Variants in LAMC1 observed in about 807,000 individuals in gnomAD.
LAMC1 encodes the protein laminin subunit gamma 1.
A neutral mutation model predicts 173.6 loss-of-function variants in LAMC1; 38 were observed. The ratio of observed to expected loss-of-function variants is 0.22; its 90% CI spans 0.17 to 0.29. The LOEUF (loss-of-function observed/expected upper bound fraction) is 0.29, where lower values mean the gene tolerates loss of function less well. Ranked by LOEUF, LAMC1 falls within the 10% of genes least tolerant of loss-of-function variation. The pLI is 1.00. For synonymous variants in LAMC1, 746 were observed against 749.1 expected, an observed-to-expected ratio of 1.00 and a Z score of 0.07; for missense variants, 1,824 against 2,051.8, an observed-to-expected ratio of 0.89 and a Z score of 2.14.
chr1:183,104,119 A>C (rs1655905845), intron 2 of LAMC1, among the ~76,000 whole-genome samples: 1 of 152,198 alleles, frequency 6.6e-6, no homozygotes, highest in Admixed American at 6.5e-5. Context: ...TACACAAGAA[A>C]ATTTTGATTA....
chr1:183,070,188 A>G (rs568755850), intron 1 of LAMC1, among the ~76,000 whole-genome samples: 4 of 152,292 alleles, frequency 2.6e-5, no homozygotes, highest in South Asian at 2.1e-4. Context: ...ATAAAGTTCA[A>G]TCTGTGATTC....
intron 1 of LAMC1, among the ~76,000 whole-genome samples, chr1:183,037,499 C>T (rs1212953590): frequency 6.6e-6 from 1 of 152,174 alleles, no homozygotes; most frequent in African/African-American, 2.4e-5. Context: ...TAGGTCTAAC[C>T]CACCTTTTGT....
In LAMC1 at chr1:183,135,205, ATT is replaced by A. The variant is rs35182436; in HGVS notation, c.4114+59_4114+60del. On this transcript the variant is annotated intron_variant, in intron 24 of 27. Coordinates refer to ENST00000258341, the MANE Select transcript of LAMC1 (RefSeq NM_002293.4). ...GGCAAATGCTTCCGCCACTAGAGTG[ATT>A]TTTTTTTTTAATCATGACTTTTACC... is the stretch of plus-strand genomic sequence containing the variant. The A allele has an allele frequency of 2.2e-3, 1,979 of 886,336 alleles. 1 individual carries two copies. The highest frequency in any genetic ancestry group is 5.3e-3 in the African/African-American group (312 of 59,086). 54.9% of individuals were successfully genotyped at this position (886,336 alleles called of 1,614,324 possible). A position where few individuals can be genotyped will look rare whatever the true frequency, so the allele number is the denominator to read the frequency against.
In LAMC1 at chr1:183,137,789, C is replaced by G. The variant is rs1558061736; in HGVS notation, c.4435C>G (p.Gln1479Glu). The change falls in exon 26 of 28, where the codon CAA becomes GAA. Residue 1479 changes from glutamine (Q) to glutamate (E), a missense_variant. By Grantham distance (29) the Gln-to-Glu change is conservative (BLOSUM62 2). Transcript: ENST00000258341. ...AGCAGAAAAAGAGCTAAAGAGAAAACAAGATGACGCTGACCAGGACATGAT... is the reference window on the plus strand; with the variant it reads ...AGCAGAAAAAGAGCTAAAGAGAAAAGAAGATGACGCTGACCAGGACATGAT... ...QEAEKELKRK[Q>E]DDADQDMMMA... 1.2e-6 allele frequency: 2 copies of G among 1,610,942 alleles called. No homozygotes were observed. Among genetic ancestry groups the G allele is most frequent in the African/African-American group, 2.7e-5 (2 of 74,804 alleles).
chr1:183,142,737 A>C lies in LAMC1; in HGVS notation c.4777A>C (p.Arg1593=), dbSNP rs1266739313. The change falls in exon 28 of 28, where the codon AGG becomes CGG. Residue 1593 remains arginine, a synonymous_variant. Transcript: ENST00000258341. The stretch of plus-strand genomic sequence containing the variant: ...GGACATTCGCAATCTGGAGGACATC[A>C]GGAAGACCTTACCATCTGGCTGCTT... The part of the protein sequence containing the change: ...MKDIRNLEDI[R]KTLPSGCFNT... 19 of 1,613,902 alleles carry C rather than the reference A, an allele frequency of 1.2e-5. No individual in the cohort carries two copies. The highest frequency in any genetic ancestry group is 1.5e-5 in the Non-Finnish European group (18 of 1,179,922).
intron 1 of LAMC1, among the ~76,000 whole-genome samples, chr1:183,066,383 G>A (rs962984617): frequency 6.6e-6 from 1 of 152,188 alleles, no homozygotes; most frequent in Non-Finnish European, 1.5e-5. Flanking sequence ...CAACCATTGT[G>A]GAAGACAGTG....
chr1:183,136,813 A>G (rs376715476), intron 25 of LAMC1, among the ~76,000 whole-genome samples: 8 of 151,842 alleles, frequency 5.3e-5, no homozygotes, highest in African/African-American at 1.9e-4. Flanking sequence ...AATTTCTACT[A>G]TGTCTCAGTG....
intron 4 of LAMC1, among the ~76,000 whole-genome samples, chr1:183,113,638 A>G (rs1184976422): frequency 6.6e-6 from 1 of 152,186 alleles, no homozygotes; most frequent in Non-Finnish European, 1.5e-5. Flanking sequence ...TTCCCTGTAC[A>G]TGGATGTTTC....
chr1:183,112,529 C>T (rs1242861500), intron 4 of LAMC1, among the ~76,000 whole-genome samples: 1 of 152,080 alleles, frequency 6.6e-6, no homozygotes, highest in South Asian at 2.1e-4. Flanking sequence ...AGTGACATTT[C>T]TGGATGTTGT....
At chr1:183,032,087 AT>A (rs2102007755) in intron 1 of LAMC1, among the ~76,000 whole-genome samples, 2 of 152,298 alleles carry the variant, frequency 1.3e-5, no homozygotes, top group African/African-American at 4.8e-5. Flanking sequence ...CATTCCTGAG[AT>A]TTTAGAGTAC....
At chr1:183,052,063 TC>T (rs1654440290) in intron 1 of LAMC1, among the ~76,000 whole-genome samples, 1 of 152,124 alleles carries the variant, frequency 6.6e-6, no homozygotes, top group Non-Finnish European at 1.5e-5. Context: ...AAAAAATCAT[TC>T]CTTTTGTTAC....
intron 1 of LAMC1, among the ~76,000 whole-genome samples, chr1:183,067,634 G>A (rs1438635884): frequency 6.6e-6 from 1 of 151,524 alleles, no homozygotes; most frequent in Non-Finnish European, 1.5e-5. Context: ...GACTACAAGC[G>A]CACGCCACCA....
chr1:183,117,987 C>A, intron 10 of LAMC1, 47 bp from the exon 11 acceptor site: 1 of 1,113,832 alleles, frequency 9.0e-7, no homozygotes, highest in Non-Finnish European at 1.3e-6. Context: ...CCCCAACATC[C>A]AGAATTGTCC....
At chr1:183,077,776 G>GTATATATATATATATATATATATA (rs68083893) in intron 1 of LAMC1, among the ~76,000 whole-genome samples, 29 of 116,552 alleles carry the variant, frequency 2.5e-4, no homozygotes, top group African/African-American at 8.1e-4. Flanking sequence ...TGGCCATTGT[G>GTATATATATATATATATATATATA]TATATATATA....
chr1:183,136,277 TACCCTGAC>T, intron 24 of LAMC1, 101 bp from the exon 25 acceptor site: 1 of 893,300 alleles, frequency 1.1e-6, no homozygotes, highest in Non-Finnish European at 1.8e-6. Flanking sequence ...TTCCATTTTT[TACCCTGAC>T]TTCCATTGTT....
intron 1 of LAMC1, among the ~76,000 whole-genome samples, chr1:183,093,001 G>A (rs1386197025): frequency 2.0e-5 from 3 of 152,142 alleles, no homozygotes; most frequent in Non-Finnish European, 4.4e-5. Context: ...TTAGTGGGCT[G>A]GGTGCAGTGG....
At chr1:183,098,233 T>A (rs548848157) in intron 1 of LAMC1, among the ~76,000 whole-genome samples, 38 of 152,264 alleles carry the variant, frequency 2.5e-4, no homozygotes, top group African/African-American at 8.7e-4. Flanking sequence ...GGAAGTATAG[T>A]GAGAGAGAGG....
Position 183,142,041 on chromosome 1 carries a change from C to T in LAMC1, c.4574-493C>T, listed in dbSNP as rs372641344. The stretch of plus-strand genomic sequence containing the variant: ...CTCCTGGCCATTTTCCATAGGAAGG[C>T]TCCTAATAGTGTCTAACTCCTGAAA... On this transcript the variant is annotated intron_variant, in intron 27 of 27. Transcript: ENST00000258341. Among the ~76,000 whole-genome samples the T allele has an allele frequency of 1.1e-4, 17 of 152,266 alleles. No homozygotes were observed. The East Asian group carries it at 3.1e-3, about 28-fold the overall frequency.
intron 18 of LAMC1, among the ~76,000 whole-genome samples, chr1:183,128,997 G>T (rs887900481): frequency 6.6e-6 from 1 of 150,816 alleles, no homozygotes; most frequent in Non-Finnish European, 1.5e-5. Flanking sequence ...CAAATTTCAA[G>T]CATTTTATGA....
Sources: allele counts gnomAD v4.1 joint callset (sites outside exome capture counted in the v4.1 genomes callset), GRCh38; gene constraint gnomAD v4.1.1; transcripts MANE v1.5; gene names NCBI Gene and HGNC (gene_info 2026-07-23, HGNC 2026-07-21).